Variants in SND1 observed in about 807,000 individuals in gnomAD.
SND1 encodes the protein staphylococcal nuclease domain-containing protein 1.
In SND1, 38 loss-of-function variants were observed where a neutral mutation model predicts 121.7. That is an observed-to-expected ratio of 0.31 (90% CI 0.24 to 0.41). SND1 has a LOEUF of 0.41. Ranked by LOEUF, SND1 falls within the 10% of genes least tolerant of loss-of-function variation. The pLI is 1.00. For missense variants in SND1, 868 were observed against 1,184.6 expected, an observed-to-expected ratio of 0.73 and a Z score of 3.92; for synonymous variants, 401 against 447.4, an observed-to-expected ratio of 0.90 and a Z score of 1.31.
intron 11 of SND1, among the ~76,000 whole-genome samples, chr7:127,814,223 A>G (rs1435337541): frequency 2.0e-5 from 3 of 152,182 alleles, no homozygotes; most frequent in East Asian, 1.9e-4. Context: ...GGAACTTTCC[A>G]TGCTTACTCT....
At chr7:128,011,115 A>C (rs1803107803) in intron 16 of SND1, among the ~76,000 whole-genome samples, 1 of 150,886 alleles carries the variant, frequency 6.6e-6, no homozygotes, top group South Asian at 2.1e-4. Context: ...CCCACCCCCA[A>C]ACACACACAC....
chr7:128,085,793 G>A lies in SND1; in HGVS notation c.2304+13G>A. On this transcript the variant is annotated intron_variant, in intron 20 of 23. Transcript: ENST00000354725. The surrounding 1 kb of genome is among the most constrained non-coding windows in gnomAD (Gnocchi z 4.4). ...TGACTACGGCAACGTGAGTGTTGGG[G>A]ACCAGAGTGTTGGAGGGGCTATCAA... 2 of 1,612,316 alleles carry A rather than the reference G, an allele frequency of 1.2e-6. No individual in the cohort carries two copies. Among genetic ancestry groups the A allele is most frequent in the Non-Finnish European group, 1.7e-6 (2 of 1,178,490 alleles).
intron 1 of SND1, among the ~76,000 whole-genome samples, chr7:127,667,604 G>T (rs1795442841): frequency 6.6e-6 from 1 of 152,136 alleles, no homozygotes; most frequent in African/African-American, 2.4e-5. Context: ...TTGGAACTGG[G>T]GAGGAGGAAA....
intron 10 of SND1, among the ~76,000 whole-genome samples, 161 bp downstream of exon 10, chr7:127,721,561 A>G (rs1587619739): frequency 6.6e-6 from 1 of 152,320 alleles, no homozygotes; most frequent in East Asian, 1.9e-4. Flanking sequence ...TAGCCTGACT[A>G]CTATTGGGCA....
At chr7:127,867,378 C>T (rs1301387050) in intron 12 of SND1, among the ~76,000 whole-genome samples, 1 of 152,150 alleles carries the variant, frequency 6.6e-6, no homozygotes, top group African/African-American at 2.4e-5. Flanking sequence ...AATATTTGTG[C>T]TTCCTAGGCT....
chr7:127,692,479 G>A (rs1176879470), intron 2 of SND1: 1 of 152,244 alleles, frequency 6.6e-6, no homozygotes, highest in Non-Finnish European at 1.5e-5. Context: ...GCAAGCTTCT[G>A]TTAGGATAGA....
At position 128,038,205 on chromosome 7, in the gene SND1, A is replaced by T. The variant is rs189674945; in HGVS notation, c.1780-36297A>T. On this transcript the variant is annotated intron_variant, in intron 16 of 23. Transcript: ENST00000354725. ...AGATTTTGGTTGGAGAAAACCCAAAACAATATTTTTTCCCAAATGGACTAA... is the reference window on the plus strand; with the variant it reads ...AGATTTTGGTTGGAGAAAACCCAAATCAATATTTTTTCCCAAATGGACTAA... Among the ~76,000 whole-genome samples, 170 of 152,342 alleles carry T rather than the reference A, an allele frequency of 1.1e-3. 1 individual carries two copies. The highest frequency in any genetic ancestry group is 1.6e-3 in the Non-Finnish European group (110 of 68,034).
intron 11 of SND1, among the ~76,000 whole-genome samples, chr7:127,832,365 TC>T (rs1244544755): frequency 2.6e-5 from 4 of 152,164 alleles, no homozygotes; most frequent in Non-Finnish European, 5.9e-5. Flanking sequence ...TAATTTAGAC[TC>T]CTGCCAACAG....
intron 21 of SND1, among the ~76,000 whole-genome samples, chr7:128,087,722 C>T (rs917009918): frequency 2.0e-5 from 3 of 152,054 alleles, no homozygotes; most frequent in African/African-American, 4.8e-5. Flanking sequence ...ATGCGGTGTA[C>T]AAGATTGCCC....
chr7:128,014,407 T>C (rs970394490), intron 16 of SND1, among the ~76,000 whole-genome samples: 1 of 152,200 alleles, frequency 6.6e-6, no homozygotes, highest in African/African-American at 2.4e-5. Context: ...TACACTGGTA[T>C]TTTTAACAGC....
At chr7:127,843,621 C>T (rs1237920328) in intron 11 of SND1, among the ~76,000 whole-genome samples, 2 of 152,144 alleles carry the variant, frequency 1.3e-5, no homozygotes, top group Non-Finnish European at 2.9e-5. Flanking sequence ...GGATATACCA[C>T]AATTTATCCA....
chr7:128,060,607 A>G (rs576334991), intron 16 of SND1, among the ~76,000 whole-genome samples: 1 of 152,314 alleles, frequency 6.6e-6, no homozygotes, highest in African/African-American at 2.4e-5. Context: ...GCAGCAGCTC[A>G]GGAGCAGTGG....
chr7:128,042,940 A>G (rs1792880661), intron 16 of SND1, among the ~76,000 whole-genome samples: 1 of 152,244 alleles, frequency 6.6e-6, no homozygotes, highest in African/African-American at 2.4e-5. Flanking sequence ...TCACTTGCTT[A>G]GGTGAACAAG....
intron 16 of SND1, among the ~76,000 whole-genome samples, chr7:128,072,743 G>C (rs562746892): frequency 1.3e-5 from 2 of 152,006 alleles, no homozygotes; most frequent in Non-Finnish European, 2.9e-5. Context: ...TGGAGGAGGC[G>C]CTCAGTCTTC....
intron 10 of SND1, among the ~76,000 whole-genome samples, chr7:127,731,056 T>C (rs1316795992): frequency 1.3e-5 from 2 of 152,248 alleles, no homozygotes; most frequent in Admixed American, 6.5e-5. Flanking sequence ...ACGACTGGCA[T>C]GCGGAAGCGG....
At chr7:127,765,062 A>AT (rs1368417599) in intron 10 of SND1, among the ~76,000 whole-genome samples, 1 of 152,186 alleles carries the variant, frequency 6.6e-6, no homozygotes, top group Non-Finnish European at 1.5e-5. Flanking sequence ...CTAAAGAGGA[A>AT]TTTATGAGAA....
At chr7:127,753,469 GA>G (rs1254597150) in intron 10 of SND1, among the ~76,000 whole-genome samples, 1 of 150,624 alleles carries the variant, frequency 6.6e-6, no homozygotes, top group African/African-American at 2.4e-5. Context: ...TTTTTTAAAT[GA>G]AAGGCCTTTC....
At chr7:127,832,411 G>C (rs1205784995) in intron 11 of SND1, among the ~76,000 whole-genome samples, 3 of 152,176 alleles carry the variant, frequency 2.0e-5, no homozygotes, top group African/African-American at 7.2e-5. Context: ...TGTGGAAATT[G>C]GAAGTTCATT....
At chr7:127,985,537 C>T (rs575074015) in intron 15 of SND1, among the ~76,000 whole-genome samples, 4 of 152,356 alleles carry the variant, frequency 2.6e-5, no homozygotes, top group African/African-American at 7.2e-5. Context: ...GGATTACAGG[C>T]TTCAGCCACT....
Sources: gnomAD v4.1 joint callset for allele counts (sites outside exome capture counted in the v4.1 genomes callset) on GRCh38, gnomAD v4.1.1 for gene constraint, Gnocchi (gnomAD v3.1) non-coding constraint, MANE v1.5 for transcripts, NCBI Gene and HGNC (gene_info 2026-07-23, HGNC 2026-07-21) for gene names.